The following INTS5 variants were observed in gnomAD, a reference collection of about 807,000 sequenced individuals.
The protein encoded by INTS5 is KIAA1698.
A neutral mutation model predicts 60.0 loss-of-function variants in INTS5; 29 were observed. The observed-to-expected ratio is 0.48, with a 90% CI of 0.36 to 0.66. The LOEUF is 0.66. INTS5 is among the 30% of genes least tolerant of loss of function. The pLI is 0.00. For synonymous variants in INTS5, 588 were observed against 558.8 expected (o/e 1.05, Z -0.74); for missense variants, 1,129 against 1,307.9 (o/e 0.86, Z 2.11).
rs759817268 is a variant in INTS5, at chr11:62,649,871, C to T, written c.209G>A (p.Arg70Gln). The T allele has an allele frequency of 1.2e-5, 19 of 1,613,994 alleles. No homozygotes were observed. The highest frequency in any genetic ancestry group is 8.3e-5 in the Admixed American group (5 of 59,986). The change falls in exon 2 of 2, where the codon CGG becomes CAG. Residue 70 changes from arginine to glutamine, a missense_variant. Arg to Gln is a conservative substitution (Grantham distance 43, BLOSUM62 1). Coordinates refer to ENST00000330574, the MANE Select transcript of INTS5 (RefSeq NM_030628.2). The surrounding 1 kb of genome is among the most constrained non-coding windows in gnomAD (Gnocchi z 6.0). ...TCTCAAGTGGTCAAGCACAGCAGCC[C>T]GAGCAGGTGGCAAAGAACGGAGCAG... ...LLLLRSLPPA[R>Q]AAVLDHLRGV...
Position 62,648,846 on chromosome 11 carries a change from C to T in INTS5, c.1234G>A (p.Asp412Asn), listed in dbSNP as rs1944571428. The T allele has an allele frequency of 1.2e-6, 2 of 1,614,000 alleles. No homozygotes were observed. Among genetic ancestry groups the T allele is most frequent in the Non-Finnish European group, 1.7e-6 (2 of 1,180,038 alleles). The change falls in exon 2 of 2, where the codon GAC becomes AAC. Residue 412 changes from aspartate to asparagine, a missense_variant. This residue lies in a region of INTS5 where 1,070 missense variants were observed against 1,246.1 expected (regional missense o/e 0.86). Transcript: ENST00000330574. This position sits in a 1 kb window ranked among gnomAD's most constrained non-coding sequence, Gnocchi z 4.4. ...GAYRLLQFLV[D>N]TAMPASVITT... ...ATGACCGAAGCAGGCATAGCTGTGT[C>T]CACCAGGAACTGCAGCAAGCGGTAG...
intron 1 of INTS5, among the ~76,000 whole-genome samples, chr11:62,652,875 T>C (rs929366644): frequency 2.8e-4 from 42 of 152,078 alleles, no homozygotes; most frequent in African/African-American, 9.9e-4. Context: ...GGGTCAAAAA[T>C]GGCCAGGGCA....
In INTS5 at chr11:62,648,151, C is replaced by G; in HGVS notation, c.1929G>C (p.Gln643His). 1 of 1,613,382 alleles carries G rather than the reference C, an allele frequency of 6.2e-7. No homozygotes were observed. The highest frequency in any genetic ancestry group is 8.5e-7 in the Non-Finnish European group (1 of 1,179,470). Residue 643 changes from glutamine to histidine, a missense_variant, in exon 2 of 2, where the codon CAG becomes CAC. By Grantham distance (24) the Gln-to-His change is conservative (BLOSUM62 0). Around this residue, in one of 3 missense-constraint regions of INTS5, gnomAD observed 1,070 missense variants for 1,246.1 expected, o/e 0.86. Transcript: ENST00000330574. This position sits in a 1 kb window ranked among gnomAD's most constrained non-coding sequence, Gnocchi z 4.4. ...PFPSEALSPS[Q>H]LLGLVRAGVH... Reference sequence around the variant, plus strand: ...CCCCAGCCCTTACCAGTCCCAGGAGCTGGGAGGGGGATAAGGCTTCAGAAG... The same window carrying G: ...CCCCAGCCCTTACCAGTCCCAGGAGGTGGGAGGGGGATAAGGCTTCAGAAG...
rs1944554565 is a variant in INTS5, at chr11:62,648,131, G to T, written c.1949C>A (p.Ala650Asp). The change falls in exon 2 of 2, where the codon GCT (alanine) becomes GAT (aspartate). Residue 650 changes from alanine to aspartate, a missense_variant. Physicochemically the swap from Ala to Asp is moderately radical, Grantham distance 126 (BLOSUM62 -2). Coordinates refer to ENST00000330574, the MANE Select transcript of INTS5 (RefSeq NM_030628.2). This position sits in a 1 kb window ranked among gnomAD's most constrained non-coding sequence, Gnocchi z 4.4. Reference sequence around the variant, plus strand: ...AGAGGCAAAGAAGCGGTGCACCCCAGCCCTTACCAGTCCCAGGAGCTGGGA... The same window carrying T: ...AGAGGCAAAGAAGCGGTGCACCCCATCCCTTACCAGTCCCAGGAGCTGGGA... ...SPSQLLGLVR[A>D]GVHRFFASLR... is the part of the protein sequence containing the mutation. 2 of 1,613,638 alleles carry T rather than the reference G, an allele frequency of 1.2e-6. No homozygotes were observed. Among genetic ancestry groups the T allele is most frequent in the South Asian group, 2.2e-5 (2 of 91,080 alleles).
chr11:62,650,911 G>C (rs142909238), intron 1 of INTS5, among the ~76,000 whole-genome samples: 252 of 152,180 alleles, frequency 1.7e-3, no homozygotes, highest in African/African-American at 5.4e-3. Flanking sequence ...GTCTGGCTAT[G>C]TTCCACAGGC....
chr11:62,649,378 A>C lies in INTS5; in HGVS notation c.702T>G (p.Phe234Leu), dbSNP rs776507727. The change falls in exon 2 of 2, where the codon TTT becomes TTG. Residue 234 changes from phenylalanine to leucine, a missense_variant. By Grantham distance (22) the Phe-to-Leu change is conservative. Around this residue, in one of 3 missense-constraint regions of INTS5, gnomAD observed 1,070 missense variants for 1,246.1 expected, o/e 0.86. Coordinates refer to ENST00000330574, the MANE Select transcript of INTS5 (RefSeq NM_030628.2). The surrounding 1 kb of genome is among the most constrained non-coding windows in gnomAD (Gnocchi z 6.0). ...DWVVAHIGSS[F>L]PGTIISRVLS... is the part of the protein sequence containing the mutation. The stretch of plus-strand genomic sequence containing the variant: ...GAACCCGGGAAATGATGGTGCCAGG[A>C]AAAGAGGAGCCAATATGTGCCACAA... The C allele has an allele frequency of 6.2e-7, 1 of 1,614,208 alleles. No homozygotes were observed. The highest frequency in any genetic ancestry group is 8.5e-7 in the Non-Finnish European group (1 of 1,180,032).
Position 62,648,837 on chromosome 11 carries a change from T to C in INTS5, c.1243A>G (p.Met415Val), listed in dbSNP as rs773809662. ...TGGGTGGTAATGACCGAAGCAGGCA[T>C]AGCTGTGTCCACCAGGAACTGCAGC... is the stretch of plus-strand genomic sequence containing the variant. ...RLLQFLVDTA[M>V]PASVITTQGL... The change falls in exon 2 of 2, where the codon ATG (methionine) becomes GTG (valine). Residue 415 changes from methionine to valine, a missense_variant. By Grantham distance (21) the Met-to-Val change is conservative. Transcript: ENST00000330574. This position sits in a 1 kb window ranked among gnomAD's most constrained non-coding sequence, Gnocchi z 4.4. The C allele has an allele frequency of 3.1e-6, 5 of 1,613,892 alleles. No homozygotes were observed. The highest frequency in any genetic ancestry group is 4.2e-6 in the Non-Finnish European group (5 of 1,180,024).
Position 62,647,414 on chromosome 11 carries a change from C to A in INTS5, c.2666G>T (p.Trp889Leu). 6.2e-7 allele frequency: 1 copy of A among 1,611,216 alleles called. No individual in the cohort carries two copies. Among genetic ancestry groups the A allele is most frequent in the Non-Finnish European group, 8.5e-7 (1 of 1,178,434 alleles). ...RGLLAALLGHWEASRHPDTTH... is the reference protein window; with the variant it reads ...RGLLAALLGHLEASRHPDTTH... ...CGTGTCAGGGTGGCGAGAGGCTTCCCAATGGCCCAAGAGGGCGGCCAGCAG... is the reference window on the plus strand; with the variant it reads ...CGTGTCAGGGTGGCGAGAGGCTTCCAAATGGCCCAAGAGGGCGGCCAGCAG... Residue 889 changes from tryptophan (W) to leucine (L), a missense_variant, in exon 2 of 2, where the codon TGG becomes TTG. Physicochemically the swap from Trp to Leu is moderately conservative, Grantham distance 61. Around this residue, in one of 3 missense-constraint regions of INTS5, gnomAD observed 1,070 missense variants for 1,246.1 expected, o/e 0.86. Coordinates refer to ENST00000330574, the MANE Select transcript of INTS5 (RefSeq NM_030628.2).
Position 62,646,999 on chromosome 11 carries a change from G to T in INTS5, c.*21C>A. ...CCTCTCTCACTGCTCAACCTCCCTG[G>T]GCTTCCAGAGCAAGAAAAGGCTACG... is the stretch of plus-strand genomic sequence containing the variant. On this transcript the variant is annotated 3_prime_UTR_variant, in exon 2 of 2. Coordinates refer to ENST00000330574, the MANE Select transcript of INTS5 (RefSeq NM_030628.2). 6.3e-7 allele frequency: 1 copy of T among 1,588,212 alleles called. No individual in the cohort carries two copies. Among genetic ancestry groups the T allele is most frequent in the Non-Finnish European group, 8.6e-7 (1 of 1,161,258 alleles).
At position 62,647,143 on chromosome 11, in the gene INTS5, A is replaced by T; in HGVS notation, c.2937T>A (p.Gly979=). The T allele has an allele frequency of 6.2e-7, 1 of 1,613,994 alleles. No individual in the cohort carries two copies. Among genetic ancestry groups the T allele is most frequent in the Non-Finnish European group, 8.5e-7 (1 of 1,179,974 alleles). ...GCACAGCCAGATGGGGTCCACCCTC[A>T]CCTCCACCCTCCCTGGAGAAGTCCC... is the stretch of plus-strand genomic sequence containing the variant. The part of the protein sequence containing the change: ...FIRDFSREGG[G]EGGPHLAVLH... The change falls in exon 2 of 2, where the codon GGT becomes GGA. Residue 979 remains glycine, a synonymous_variant. Coordinates refer to ENST00000330574, the MANE Select transcript of INTS5 (RefSeq NM_030628.2).
Position 62,648,940 on chromosome 11 carries a change from G to A in INTS5, c.1140C>T (p.Pro380=), listed in dbSNP as rs1181121158. The A allele has an allele frequency of 2.0e-5, 33 of 1,612,608 alleles. No homozygotes were observed. The highest frequency in any genetic ancestry group is 2.6e-5 in the Non-Finnish European group (31 of 1,179,302). ...SQLQQHLQGF[P]REELDNMLNL... The stretch of plus-strand genomic sequence containing the variant: ...TCAACATGTTGTCCAGCTCCTCTCG[G>A]GGGAATCCTTGAAGGTGTTGCTGCA... The change falls in exon 2 of 2, where the codon CCC becomes CCT. Residue 380 remains proline (P), a synonymous_variant. Coordinates refer to ENST00000330574, the MANE Select transcript of INTS5 (RefSeq NM_030628.2). The surrounding 1 kb of genome is among the most constrained non-coding windows in gnomAD (Gnocchi z 4.4).
intron 1 of INTS5, among the ~76,000 whole-genome samples, chr11:62,650,402 C>G: frequency 6.6e-6 from 1 of 151,692 alleles, no homozygotes; most frequent in East Asian, 1.9e-4. Flanking sequence ...AGGCGTGAGC[C>G]ACCGCGCCCG....
chr11:62,652,837 C>T (rs1944606659), intron 1 of INTS5, among the ~76,000 whole-genome samples: 1 of 152,170 alleles, frequency 6.6e-6, no homozygotes, highest in African/African-American at 2.4e-5. Flanking sequence ...CAGGGAGTCT[C>T]TATGAAGTCA....
In INTS5 at chr11:62,649,689, C is replaced by CA. The variant is rs1485873740; in HGVS notation, c.390dup (p.Glu131Ter). On this transcript the variant is annotated frameshift_variant, in exon 2 of 2. Coordinates refer to ENST00000330574, the MANE Select transcript of INTS5 (RefSeq NM_030628.2). LOFTEE classifies it high-confidence loss of function. The surrounding 1 kb of genome is among the most constrained non-coding windows in gnomAD (Gnocchi z 6.0). ...GCCTTTGGGTTGGCCCGGATAAACT[C>CA]AGACAGCACCTGCTGCACTTCCTGA... 8.1e-6 allele frequency: 13 copies of CA among 1,614,086 alleles called. No individual in the cohort carries two copies. Among genetic ancestry groups the CA allele is most frequent in the Non-Finnish European group, 1.1e-5 (13 of 1,180,048 alleles).
chr11:62,647,963 C>T lies in INTS5; in HGVS notation c.2117G>A (p.Gly706Asp), dbSNP rs1471093092. Residue 706 changes from glycine to aspartate, a missense_variant, in exon 2 of 2, where the codon GGT (glycine) becomes GAT (aspartate). Around this residue, in one of 3 missense-constraint regions of INTS5, gnomAD observed 1,070 missense variants for 1,246.1 expected, o/e 0.86. Transcript: ENST00000330574. ...ALHRGNTELF[G>D]GQVDGDNETL... ...CTCATTGTCCCCATCTACTTGCCCA[C>T]CAAACAGTTCTGTGTTGCCTCGATG... The T allele has an allele frequency of 1.2e-6, 2 of 1,614,192 alleles. No individual in the cohort carries two copies. The highest frequency in any genetic ancestry group is 1.7e-6 in the Non-Finnish European group (2 of 1,180,038).
Position 62,653,187 on chromosome 11 carries a change from G to A in INTS5, c.63C>T (p.His21=). 2 of 1,247,550 alleles carry A rather than the reference G, an allele frequency of 1.6e-6. No individual in the cohort carries two copies. Among genetic ancestry groups the A allele is most frequent in the Non-Finnish European group, 2.0e-6 (2 of 987,476 alleles). 77.3% of individuals were successfully genotyped at this position (1,247,550 alleles called of 1,614,324 possible). A position where few individuals can be genotyped will look rare whatever the true frequency, so the allele number is the denominator to read the frequency against. ...CTAACTACCTGAGAGGCGCGGGACC[G>A]TGGGTGGCCGGGGCAGGCCCAGGTG... ...PGPPGPAPAT[H]GPAPLSAQEL... is the part of the protein sequence containing the mutation. The change falls in exon 1 of 2, where the codon CAC becomes CAT. Residue 21 remains histidine, a synonymous_variant. Transcript: ENST00000330574.
chr11:62,648,355 C>A lies in INTS5; in HGVS notation c.1725G>T (p.Leu575=). 1 of 1,614,030 alleles carries A rather than the reference C, an allele frequency of 6.2e-7. No individual in the cohort carries two copies. Among genetic ancestry groups the A allele is most frequent in the Non-Finnish European group, 8.5e-7 (1 of 1,179,990 alleles). ...TLQPPFTARF[L]RNLALLVGWE... ...ACCCTACTAGCAGTGCCAAGTTGCG[C>A]AGGAACCGGGCCGTGAAGGGAGGCT... Residue 575 remains leucine (L), a synonymous_variant, in exon 2 of 2, where the codon CTG becomes CTT. Transcript: ENST00000330574. The surrounding 1 kb of genome is among the most constrained non-coding windows in gnomAD (Gnocchi z 4.4).
rs1388240953 is a variant in INTS5 at position 62,647,755 on chromosome 11, G to A, written c.2325C>T (p.Asn775=). ...QSRNQQEVIY[N]TQSLLSLLVH... ...CCAGGAGGCTGAGGAGGCTCTGGGT[G>A]TTATAGATCACTTCCTGCTGATTTC... is the stretch of plus-strand genomic sequence containing the variant. The change falls in exon 2 of 2, where the codon AAC becomes AAT. Residue 775 remains asparagine, a synonymous_variant. Coordinates refer to ENST00000330574, the MANE Select transcript of INTS5 (RefSeq NM_030628.2). 1 of 1,614,088 alleles carries A rather than the reference G, an allele frequency of 6.2e-7. No individual in the cohort carries two copies. The highest frequency in any genetic ancestry group is 8.5e-7 in the Non-Finnish European group (1 of 1,180,056).
chr11:62,647,376 AG>A lies in INTS5; in HGVS notation c.2703del (p.Trp902GlyfsTer9). On this transcript the variant is annotated frameshift_variant, in exon 2 of 2. Transcript: ENST00000330574. LOFTEE classifies it high-confidence loss of function. Reference sequence around the variant, plus strand: ...AAGGTGCAGGATGCCTCCAGGTGCCAGGGGGAGTGGGTCGTGTCAGGGTGGC... The same window carrying A: ...AAGGTGCAGGATGCCTCCAGGTGCCAGGGGAGTGGGTCGTGTCAGGGTGGC... ...ASRHPDTTHS[P>X]WHLEASCTLV... is the part of the protein sequence containing the mutation. 1.2e-6 allele frequency: 2 copies of A among 1,613,342 alleles called. No individual in the cohort carries two copies. Among genetic ancestry groups the A allele is most frequent in the Non-Finnish European group, 8.5e-7 (1 of 1,179,752 alleles).
Sources: gnomAD v4.1 joint callset for allele counts (sites outside exome capture counted in the v4.1 genomes callset) on GRCh38, gnomAD v4.1.1 for gene constraint, gnomAD v4.1.1 regional missense constraint, Gnocchi (gnomAD v3.1) non-coding constraint, MANE v1.5 for transcripts, NCBI Gene and HGNC (gene_info 2026-07-23, HGNC 2026-07-21) for gene names.